Variants in ZFHX3 observed in about 807,000 individuals in gnomAD.
The protein encoded by ZFHX3 is zinc finger homeobox 3, also known as zinc finger homeobox protein 3.
Under a neutral mutation model 279.1 loss-of-function variants are expected in ZFHX3, and 42 were observed. That is an observed-to-expected ratio of 0.15 (90% CI 0.12 to 0.19). ZFHX3 has a LOEUF of 0.19. ZFHX3 is among the 10% of genes least tolerant of loss of function. The pLI is 1.00. For missense variants in ZFHX3, 4,981 were observed against 4,754.0 expected (o/e 1.05, Z -1.40); for synonymous variants, 2,293 against 1,957.8 (o/e 1.17, Z -4.52).
chr16:73,455,878 C>G (rs1271889202), intron 3 of ZFHX3: 3 of 151,896 alleles, frequency 2.0e-5, no homozygotes, highest in African/African-American at 4.8e-5. Context: ...CAGCATTATA[C>G]CGATTTGTGG....
At chr16:72,867,532 C>T (rs745900413) in intron 4 of ZFHX3, among the ~76,000 whole-genome samples, 43 of 152,188 alleles carry the variant, frequency 2.8e-4, no homozygotes, top group Non-Finnish European at 5.4e-4. Flanking sequence ...CCCATGCTAA[C>T]GTTAATACCC....
At chr16:73,714,752 C>A (rs1286890168) in intron 1 of ZFHX3, among the ~76,000 whole-genome samples, 2 of 152,172 alleles carry the variant, frequency 1.3e-5, no homozygotes, top group African/African-American at 2.4e-5. Context: ...ATATCCACTT[C>A]CCCTCCTTTC....
At chr16:73,883,055 C>A (rs1392024852) in intron 1 of ZFHX3, among the ~76,000 whole-genome samples, 8 of 145,992 alleles carry the variant, frequency 5.5e-5, no homozygotes, top group East Asian at 2.0e-4. Context: ...TCTTTCACAT[C>A]AAAAAAAAAA....
intron 3 of ZFHX3, among the ~76,000 whole-genome samples, chr16:73,364,380 T>C (rs967926994): frequency 2.0e-5 from 3 of 149,816 alleles, no homozygotes; most frequent in African/African-American, 7.3e-5. Flanking sequence ...AATATTATAA[T>C]AATAATAGTA....
intron 4 of ZFHX3, among the ~76,000 whole-genome samples, chr16:72,839,417 TAC>T (rs1178182785): frequency 6.6e-6 from 1 of 152,204 alleles, no homozygotes; most frequent in East Asian, 1.9e-4. Context: ...AACAGTATTT[TAC>T]ACAGTTTAAC....
At chr16:73,075,838 G>C (rs1965882404) in intron 8 of ZFHX3, among the ~76,000 whole-genome samples, 1 of 151,974 alleles carries the variant, frequency 6.6e-6, no homozygotes, top group African/African-American at 2.4e-5. Context: ...TTCACTGTTG[G>C]CCAGGTTGGT....
intron 2 of ZFHX3, among the ~76,000 whole-genome samples, chr16:73,484,135 C>T (rs1031572159): frequency 4.6e-5 from 7 of 152,032 alleles, no homozygotes; most frequent in Non-Finnish European, 1.0e-4. Flanking sequence ...AGTTGTGCAG[C>T]AGTAAAGACT....
At chr16:73,823,053 G>C (rs1960794019) in intron 1 of ZFHX3, among the ~76,000 whole-genome samples, 1 of 152,176 alleles carries the variant, frequency 6.6e-6, no homozygotes, top group Non-Finnish European at 1.5e-5. Flanking sequence ...CCCTTATGGA[G>C]CTTAGAGACC....
chr16:72,957,631 T>G lies in ZFHX3; in HGVS notation c.2515A>C (p.Met839Leu). 6.2e-7 allele frequency: 1 copy of G among 1,614,130 alleles called. No homozygotes were observed. Among genetic ancestry groups the G allele is most frequent in the Non-Finnish European group, 8.5e-7 (1 of 1,180,024 alleles). ...TGGCGGTTGTGTTGGATCTGGGTCA[T>G]GTTCTGTTGCAGTAACATCATGTTA... ...MHNMMLLQQN[M>L]TQIQHNRHLG... Residue 839 changes from methionine (M) to leucine (L), a missense_variant, in exon 2 of 10, where the codon ATG (methionine) becomes CTG (leucine). Met to Leu is a conservative substitution (Grantham distance 15). Around this residue, in one of 7 missense-constraint regions of ZFHX3, gnomAD observed 1,751 missense variants for 1,770.0 expected, o/e 0.99. Coordinates refer to ENST00000268489, the MANE Select transcript of ZFHX3 (RefSeq NM_006885.4).
intron 5 of ZFHX3, among the ~76,000 whole-genome samples, chr16:73,172,809 G>A (rs1019716856): frequency 1.3e-5 from 2 of 152,166 alleles, no homozygotes; most frequent in Non-Finnish European, 2.9e-5. Flanking sequence ...GCAAGGTTAG[G>A]AGTGAAGGAC....
chr16:73,778,156 G>A lies in ZFHX3; in HGVS notation c.-1607-97916C>T, dbSNP rs554838430. On this transcript the variant is annotated intron_variant, in intron 1 of 17. Coordinates refer to the ZFHX3 transcript ENST00000641206. Reference sequence around the variant, plus strand: ...TGACCCATGCTGAGGAAGAGAAATGGCTATACCAATAATTCTTATGCAACA... The same window carrying A: ...TGACCCATGCTGAGGAAGAGAAATGACTATACCAATAATTCTTATGCAACA... Among the ~76,000 whole-genome samples the A allele has an allele frequency of 2.1e-5, 3 of 142,870 alleles. No homozygotes were observed. In the South Asian group the frequency reaches 6.6e-4, roughly 31 times the overall value. 93.7% of individuals were successfully genotyped at this position (142,870 alleles called of 152,430 possible).
rs193036265 is a variant in ZFHX3, at chr16:73,137,626, C to T, written c.-1024+6126G>A. 2.0e-5 allele frequency: 3 copies of T among 152,036 alleles called. No individual in the cohort carries two copies. In the East Asian group the frequency reaches 5.8e-4, roughly 29 times the overall value. The allele number at this position is 152,036 out of a possible 1,614,324, so 9.4% of individuals were successfully genotyped here. A position where few individuals can be genotyped will look rare whatever the true frequency, so the allele number is the denominator to read the frequency against. On this transcript the variant is annotated intron_variant, in intron 6 of 17. Transcript: ENST00000641206. ...TTTCTTTTAGGTGCCCAGTGACCTC[C>T]GGGTATATTAGGCAGCTTTAAATTA... is the stretch of plus-strand genomic sequence containing the variant.
intron 9 of ZFHX3, chr16:72,791,077 C>T (rs915819785): frequency 1.3e-5 from 2 of 152,194 alleles, no homozygotes; most frequent in Non-Finnish European, 2.9e-5. Context: ...TTCATCCCCC[C>T]TAGACTTACT....
intron 4 of ZFHX3, chr16:73,294,096 G>A (rs2014844335): frequency 6.6e-6 from 1 of 150,966 alleles, no homozygotes. Flanking sequence ...TTTATAGTTC[G>A]ATTATGATTT....
At chr16:73,143,384 G>T (rs1206183332) in intron 6 of ZFHX3, among the ~76,000 whole-genome samples, 1 of 152,044 alleles carries the variant, frequency 6.6e-6, no homozygotes, top group Non-Finnish European at 1.5e-5. Flanking sequence ...GATAACATTG[G>T]CAGAGACATA....
At chr16:73,200,497 C>T (rs1258979318) in intron 5 of ZFHX3, among the ~76,000 whole-genome samples, 5 of 151,982 alleles carry the variant, frequency 3.3e-5, no homozygotes, top group Non-Finnish European at 7.4e-5. Context: ...TTGATGCTTC[C>T]ACTACAAAAT....
intron 5 of ZFHX3, among the ~76,000 whole-genome samples, chr16:73,158,803 A>G (rs1372305756): frequency 6.6e-6 from 1 of 152,228 alleles, no homozygotes; most frequent in Non-Finnish European, 1.5e-5. Context: ...ATCTTTGGCA[A>G]AGCTGACAAA....
chr16:73,050,423 C>G (rs191053575), upstream of ZFHX3, among the ~76,000 whole-genome samples: 18 of 152,306 alleles, frequency 1.2e-4, no homozygotes, highest in African/African-American at 2.9e-4. Flanking sequence ...CCTAGTCAAG[C>G]CTGCCTTTGT....
At chr16:73,337,892 C>T (rs112988457) in intron 3 of ZFHX3, among the ~76,000 whole-genome samples, 7 of 79,224 alleles carry the variant, frequency 8.8e-5, no homozygotes, top group East Asian at 2.4e-4. Context: ...CTTCCCTTGG[C>T]GGGGGGGGGG....
Sources: allele counts gnomAD v4.1 joint callset (sites outside exome capture counted in the v4.1 genomes callset), GRCh38; gene constraint gnomAD v4.1.1; regional missense constraint gnomAD v4.1.1; transcripts MANE v1.5; gene names NCBI Gene and HGNC (gene_info 2026-07-23, HGNC 2026-07-21).